FYB2: variants seen among roughly 807,000 people sequenced by gnomAD.
FYB2 encodes FYN-binding protein 2.
In FYB2, 103 loss-of-function variants were observed where a neutral mutation model predicts 94.1. The observed-to-expected ratio is 1.09, with a 90% CI of 0.93 to 1.29. The LOEUF (loss-of-function observed/expected upper bound fraction) is 1.29, where lower values mean the gene tolerates loss of function less well. Ranked by LOEUF, FYB2 falls within the 50% of genes most tolerant of loss-of-function variation. The probability of loss-of-function intolerance (pLI) is 0.00; values close to 1 mark genes in which losing one functional copy is unlikely to be tolerated. For missense variants in FYB2, 896 were observed against 841.5 expected, an observed-to-expected ratio of 1.06 and a Z score of -0.80; for synonymous variants, 293 against 287.9, an observed-to-expected ratio of 1.02 and a Z score of -0.18.
At chr1:56,821,410 T>C (rs932667898), upstream of FYB2, among the ~76,000 whole-genome samples, 1 of 152,176 alleles carries the variant, frequency 6.6e-6, no homozygotes, top group African/African-American at 2.4e-5. Flanking sequence ...TTAAGAGCTA[T>C]GACTCTTGGA....
Position 56,792,188 on chromosome 1 carries a change from C to A in FYB2, c.625G>T (p.Val209Phe), listed in dbSNP as rs201622030. ...ATTACAAAAGAGGGATCTTCAGAGA[C>A]GTTATGTAATATTTTGGGGGCCACC... ...HVVAPKILHN[V>F]SEDPSFVISQ... The change falls in exon 2 of 20, where the codon GTC becomes TTC. Residue 209 changes from valine to phenylalanine, a missense_variant. Physicochemically the swap from Val to Phe is conservative, Grantham distance 50. Transcript: ENST00000343433. 6 of 1,613,972 alleles carry A rather than the reference C, an allele frequency of 3.7e-6. No homozygotes were observed. In the East Asian group the frequency reaches 1.3e-4, roughly 36 times the overall value.
At chr1:56,727,529 AATATT>A (rs1357723461) in intron 15 of FYB2, among the ~76,000 whole-genome samples, 5 of 152,148 alleles carry the variant, frequency 3.3e-5, no homozygotes, top group African/African-American at 7.2e-5. Context: ...GGAAAAATGA[AATATT>A]ATATTTGAAT....
At chr1:56,721,180 T>C (rs1187776405) in intron 17 of FYB2, among the ~76,000 whole-genome samples, 1 of 152,074 alleles carries the variant, frequency 6.6e-6, no homozygotes, top group African/African-American at 2.4e-5. Flanking sequence ...CCTATACATC[T>C]GCAGCACATC....
At chr1:56,819,565 C>T (rs1646964296), upstream of FYB2, 7 of 571,688 alleles carry the variant, frequency 1.2e-5, no homozygotes, top group Non-Finnish European at 1.9e-5. Context: ...CTGCCAAGCC[C>T]ACCTCTTCTC....
In FYB2 at chr1:56,792,258, C is replaced by CT. The variant is rs1646286939; in HGVS notation, c.554dup (p.Leu186AlafsTer23). 1.8e-5 allele frequency: 29 copies of CT among 1,612,212 alleles called. No individual in the cohort carries two copies. Among genetic ancestry groups the CT allele is most frequent in the Non-Finnish European group, 2.5e-5 (29 of 1,179,540 alleles). ...GAGTCTGGGCTCCTTTTGTTTCCAG[C>CT]TTTTTCCTGGGTTCCTCTGGAGTAA... is the stretch of plus-strand genomic sequence containing the variant. On this transcript the variant is annotated frameshift_variant, in exon 2 of 20. Transcript: ENST00000343433. LOFTEE classifies it high-confidence loss of function.
At chr1:56,819,729 T>C, upstream of FYB2, 1 of 199,772 alleles carries the variant, frequency 5.0e-6, no homozygotes, top group Non-Finnish European at 1.0e-5. Context: ...TGATCCCCGT[T>C]AGTAACAACC....
rs758901077 is a variant in FYB2, at chr1:56,742,206, A to G, written c.1559T>C (p.Leu520Pro). Reference sequence around the variant, plus strand: ...CTTTGTTTTGTAGACATCTTCATACAGTTCTCTATTTTCTTCTGAAATTAG... The same window carrying G: ...CTTTGTTTTGTAGACATCTTCATACGGTTCTCTATTTTCTTCTGAAATTAG... ...LASSSEENRE[L>P]YEDVYKTKNN... Residue 520 changes from leucine to proline, a missense_variant, in exon 12 of 20, where the codon CTG becomes CCG. Coordinates refer to ENST00000343433, the MANE Select transcript of FYB2 (RefSeq NM_001004303.5). The G allele has an allele frequency of 6.3e-7, 1 of 1,599,738 alleles. No individual in the cohort carries two copies. The highest frequency in any genetic ancestry group is 1.1e-5 in the South Asian group (1 of 90,062).
intron 4 of FYB2, among the ~76,000 whole-genome samples, chr1:56,771,586 A>G (rs1306689027): frequency 1.3e-5 from 2 of 152,176 alleles, no homozygotes; most frequent in African/African-American, 2.4e-5. Flanking sequence ...TCCATTTGCT[A>G]TAGATGCAGT....
At chr1:56,790,140 G>A (rs762374920) in intron 2 of FYB2, among the ~76,000 whole-genome samples, 3 of 152,160 alleles carry the variant, frequency 2.0e-5, no homozygotes, top group Non-Finnish European at 4.4e-5. Flanking sequence ...TTTCATTTAT[G>A]TAAGACAGTA....
chr1:56,787,146 T>C, intron 4 of FYB2, 29 bp downstream of exon 4: 1 of 1,613,372 alleles, frequency 6.2e-7, no homozygotes, highest in Non-Finnish European at 8.5e-7. Flanking sequence ...TGGGCTACGT[T>C]CCTACACAAC....
At chr1:56,764,275 C>G (rs61765491) in intron 5 of FYB2, among the ~76,000 whole-genome samples, 2 of 152,070 alleles carry the variant, frequency 1.3e-5, no homozygotes, top group East Asian at 3.9e-4. Context: ...TTTTGCCAAA[C>G]TGGGGGAGTT....
chr1:56,781,977 G>A (rs1403599012), intron 4 of FYB2, among the ~76,000 whole-genome samples: 1 of 152,128 alleles, frequency 6.6e-6, no homozygotes, highest in Admixed American at 6.6e-5. Context: ...TACTATCTCA[G>A]AGAGGTCTTT....
chr1:56,720,936 T>A (rs565421458), intron 17 of FYB2: 10 of 152,198 alleles, frequency 6.6e-5, no homozygotes, highest in Admixed American at 5.9e-4. Flanking sequence ...CTTATAATAT[T>A]CTTACATACC....
At chr1:56,783,612 A>C (rs942609731) in intron 4 of FYB2, among the ~76,000 whole-genome samples, 1 of 152,174 alleles carries the variant, frequency 6.6e-6, no homozygotes. Flanking sequence ...TGTATCTTAG[A>C]CATACGGTTG....
chr1:56,810,537 C>A (rs1191934279), intron 1 of FYB2, among the ~76,000 whole-genome samples: 6 of 152,152 alleles, frequency 3.9e-5, no homozygotes, highest in Non-Finnish European at 8.8e-5. Flanking sequence ...CAGAGGCTAC[C>A]TTTTTCTCTC....
At chr1:56,812,811 A>C (rs1364359860) in intron 1 of FYB2, among the ~76,000 whole-genome samples, 1 of 152,206 alleles carries the variant, frequency 6.6e-6, no homozygotes. Context: ...TCCCAGGTTG[A>C]TGGGGGAAGA....
rs1569949457 is a variant in FYB2 at position 56,744,216 on chromosome 1, C to G, written c.1438G>C (p.Val480Leu). The G allele has an allele frequency of 1.9e-6, 3 of 1,612,590 alleles. No individual in the cohort carries two copies. Among genetic ancestry groups the G allele is most frequent in the Non-Finnish European group, 1.7e-6 (2 of 1,179,288 alleles). The part of the protein sequence containing the change: ...ESTKETPDLG[V>L]SKTSSISEEI... ...TCCGAGATGGAACTTGTCTTAGAGA[C>G]CCCTAGGTCTGGAGTTTCTTTAGTT... is the stretch of plus-strand genomic sequence containing the variant. The change falls in exon 10 of 20, where the codon GTC becomes CTC. Residue 480 changes from valine to leucine, a missense_variant. Coordinates refer to ENST00000343433, the MANE Select transcript of FYB2 (RefSeq NM_001004303.5).
chr1:56,819,444 G>A (rs1646961693), upstream of FYB2: 1 of 1,087,608 alleles, frequency 9.2e-7, no homozygotes, highest in Admixed American at 2.2e-5. Flanking sequence ...TGCCCCATCT[G>A]GGCCGAGGCT....
chr1:56,790,314 T>C (rs1013681315), intron 2 of FYB2, among the ~76,000 whole-genome samples: 6 of 152,192 alleles, frequency 3.9e-5, no homozygotes, highest in African/African-American at 7.2e-5. Flanking sequence ...GGGCCCAAAG[T>C]TCCTCTCTTC....
Sources: allele counts gnomAD v4.1 joint callset (sites outside exome capture counted in the v4.1 genomes callset), GRCh38; gene constraint gnomAD v4.1.1; transcripts MANE v1.5; gene names NCBI Gene and HGNC (gene_info 2026-07-23, HGNC 2026-07-21).